The following CBL variants were observed in gnomAD, a reference collection of about 807,000 sequenced individuals.
CBL encodes the protein E3 ubiquitin-protein ligase CBL.
A neutral mutation model predicts 96.9 loss-of-function variants in CBL; 45 were observed. That is an observed-to-expected ratio of 0.46 (90% confidence interval 0.37 to 0.60). The LOEUF (loss-of-function observed/expected upper bound fraction) is 0.60, where lower values mean the gene tolerates loss of function less well. Ranked by LOEUF, CBL falls within the 20% of genes least tolerant of loss-of-function variation. The probability of loss-of-function intolerance (pLI) is 0.00; values close to 1 mark genes in which losing one functional copy is unlikely to be tolerated. For missense variants in CBL, 1,024 were observed against 1,143.5 expected (o/e 0.90, Z 1.51); for synonymous variants, 420 against 426.8 (o/e 0.98, Z 0.20).
In CBL at chr11:119,302,804, T is replaced by TG. The variant is rs1473285370; in HGVS notation, c.*3023_*3024insG. 4.3e-6 allele frequency: 1 copy of TG among 230,462 alleles called. No individual in the cohort carries two copies. The highest frequency in any genetic ancestry group is 8.6e-6 in the Non-Finnish European group (1 of 116,376). 14.3% of individuals were successfully genotyped at this position (230,462 alleles called of 1,614,324 possible). On this transcript the variant is annotated 3_prime_UTR_variant, in exon 16 of 16. Coordinates refer to ENST00000264033, the MANE Select transcript of CBL (RefSeq NM_005188.4). Reference sequence around the variant, plus strand: ...CCAGGCAGCTTCTCATCTCAGCATTTACCTGTTAATATTTTTGTGAATAGT... The same window carrying TG: ...CCAGGCAGCTTCTCATCTCAGCATTTGACCTGTTAATATTTTTGTGAATAGT...
intron 2 of CBL, among the ~76,000 whole-genome samples, chr11:119,239,210 A>G (rs557099322): frequency 3.3e-5 from 5 of 151,040 alleles, no homozygotes; most frequent in African/African-American, 7.2e-5. Flanking sequence ...GGCTCAAGCA[A>G]TCTGCCCATC....
intron 1 of CBL, among the ~76,000 whole-genome samples, chr11:119,218,386 C>T (rs1039759243): frequency 6.6e-6 from 1 of 152,138 alleles, no homozygotes; most frequent in Non-Finnish European, 1.5e-5. Flanking sequence ...ACAATTGTGT[C>T]TTAATTAGTG....
intron 1 of CBL, among the ~76,000 whole-genome samples, chr11:119,215,822 G>C (rs1319266959): frequency 6.6e-6 from 1 of 151,696 alleles, no homozygotes; most frequent in Non-Finnish European, 1.5e-5. Flanking sequence ...GCTAGACTCT[G>C]TCTCAAAAAA....
intron 1 of CBL, among the ~76,000 whole-genome samples, chr11:119,210,748 C>T (rs755418082): frequency 1.3e-5 from 2 of 151,844 alleles, no homozygotes; most frequent in African/African-American, 4.8e-5. Context: ...GCCACCGCGC[C>T]TGGCTCAATT....
At position 119,299,749 on chromosome 11, in the gene CBL, T is replaced by G; in HGVS notation, c.2689T>G (p.Ser897Ala). The change falls in exon 16 of 16, where the codon TCC becomes GCC. Residue 897 changes from serine to alanine, a missense_variant. By Grantham distance (99) the Ser-to-Ala change is moderately conservative. Transcript: ENST00000264033. The stretch of plus-strand genomic sequence containing the variant: ...CAAAAACATCCTCCGGGAATTTGTT[T>G]CCATTTCTTCTCCTGCCCATGTAGC... ...MAKNILREFVSISSPAHVAT is the reference protein window; with the variant it reads ...MAKNILREFVAISSPAHVAT 6.2e-7 allele frequency: 1 copy of G among 1,614,198 alleles called. No homozygotes were observed. The highest frequency in any genetic ancestry group is 8.5e-7 in the Non-Finnish European group (1 of 1,180,042).
At chr11:119,226,801 A>C (rs912056801) in intron 1 of CBL, among the ~76,000 whole-genome samples, 2 of 152,228 alleles carry the variant, frequency 1.3e-5, no homozygotes, top group Non-Finnish European at 2.9e-5. Context: ...CAATCTGGTC[A>C]AAGTACTAAA....
At chr11:119,222,280 A>G (rs958043601) in intron 1 of CBL, among the ~76,000 whole-genome samples, 6 of 152,332 alleles carry the variant, frequency 3.9e-5, no homozygotes, top group African/African-American at 1.4e-4. Context: ...AGGCTTAGGC[A>G]TTGTTGTTCT....
Position 119,255,508 on chromosome 11 carries a change from A to C in CBL, c.444-16227A>C, listed in dbSNP as rs140319084. ...TGCAAAGTTAAACCATCCTTGCATA[A>C]ATTCTAGTCTGTAATTATATATTTA... On this transcript the variant is annotated intron_variant, in intron 2 of 15. Coordinates refer to ENST00000264033, the MANE Select transcript of CBL (RefSeq NM_005188.4). Among the ~76,000 whole-genome samples the C allele has an allele frequency of 7.7e-4, 117 of 152,208 alleles. 2 individuals carry two copies. The highest frequency in any genetic ancestry group is 3.4e-3 in the Middle Eastern group (1 of 292).
At chr11:119,259,981 A>G (rs960147716) in intron 2 of CBL, among the ~76,000 whole-genome samples, 1 of 152,182 alleles carries the variant, frequency 6.6e-6, no homozygotes, top group East Asian at 1.9e-4. Flanking sequence ...GGCACTAGCA[A>G]ATGGACCGTT....
rs2135303952 is a variant in CBL at position 119,278,311 on chromosome 11, C to T, written c.1227+14C>T. ...ACATCCTGGCAGGTACGGATCTAAA[C>T]AGCGACTTTTTTCAGCTATGTAATA... On this transcript the variant is annotated intron_variant, in intron 8 of 15. Transcript: ENST00000264033. The T allele has an allele frequency of 1.2e-6, 2 of 1,613,944 alleles. No individual in the cohort carries two copies. Among genetic ancestry groups the T allele is most frequent in the Non-Finnish European group, 8.5e-7 (1 of 1,179,878 alleles).
Position 119,297,375 on chromosome 11 carries a change from C to T in CBL, c.2154-9C>T. On this transcript the variant is annotated splice_polypyrimidine_tract_variant and intron_variant, in intron 13 of 15. Transcript: ENST00000264033. ...CAAAGATCATTATGGCACTTTCCTTCTGGTTCAGAGCATGTGATTGCGACC... is the reference window on the plus strand; with the variant it reads ...CAAAGATCATTATGGCACTTTCCTTTTGGTTCAGAGCATGTGATTGCGACC... 1 of 1,601,488 alleles carries T rather than the reference C, an allele frequency of 6.2e-7. No individual in the cohort carries two copies. The highest frequency in any genetic ancestry group is 8.6e-7 in the Non-Finnish European group (1 of 1,168,812).
intron 1 of CBL, among the ~76,000 whole-genome samples, chr11:119,230,754 T>G (rs1282016740): frequency 6.6e-6 from 1 of 152,246 alleles, no homozygotes; most frequent in Non-Finnish European, 1.5e-5. Context: ...TTTCCTTGTG[T>G]GCATGTGTGA....
At chr11:119,207,015 G>A (rs1163432841) in intron 1 of CBL, among the ~76,000 whole-genome samples, 2 of 152,088 alleles carry the variant, frequency 1.3e-5, no homozygotes, top group Admixed American at 1.3e-4. Context: ...GAGGAAGAGT[G>A]ATGTACCGGC....
chr11:119,251,620 C>T (rs568636927), intron 2 of CBL, among the ~76,000 whole-genome samples: 4 of 152,112 alleles, frequency 2.6e-5, no homozygotes, highest in Non-Finnish European at 5.9e-5. Flanking sequence ...TGATTTACAG[C>T]AGGATTATAT....
intron 2 of CBL, among the ~76,000 whole-genome samples, chr11:119,242,167 A>G (rs1279160308): frequency 6.6e-6 from 1 of 152,170 alleles, no homozygotes; most frequent in Non-Finnish European, 1.5e-5. Context: ...AATAAGAAAT[A>G]GATTGGGGAT....
chr11:119,245,167 C>T (rs1208986048), intron 2 of CBL, among the ~76,000 whole-genome samples: 1 of 130,550 alleles, frequency 7.7e-6, no homozygotes, highest in Non-Finnish European at 1.6e-5. Context: ...CCACCTTGCC[C>T]GACCAGTTTT....
intron 11 of CBL, among the ~76,000 whole-genome samples, chr11:119,286,070 G>A (rs1187816944): frequency 2.0e-5 from 3 of 152,136 alleles, no homozygotes; most frequent in South Asian, 4.1e-4. Context: ...AGGCCGAGGC[G>A]GGTGGATCAC....
chr11:119,251,111 C>T (rs185106488), intron 2 of CBL, among the ~76,000 whole-genome samples: 235 of 152,198 alleles, frequency 1.5e-3, no homozygotes, highest in Non-Finnish European at 2.7e-3. Flanking sequence ...TAATATTTAT[C>T]ATGTGCTTGC....
intron 2 of CBL, among the ~76,000 whole-genome samples, chr11:119,245,009 C>G (rs1407732160): frequency 6.6e-6 from 1 of 151,952 alleles, no homozygotes; most frequent in East Asian, 1.9e-4. Flanking sequence ...GTAGCTGGGA[C>G]TACAGGCACA....
Sources: gnomAD v4.1 joint callset for allele counts (sites outside exome capture counted in the v4.1 genomes callset) on GRCh38, gnomAD v4.1.1 for gene constraint, MANE v1.5 for transcripts, NCBI Gene and HGNC (gene_info 2026-07-23, HGNC 2026-07-21) for gene names.